Variants in AFF1 observed in about 807,000 individuals in gnomAD.
The protein encoded by AFF1 is ALF transcription elongation factor 1, also known as AF4/FMR2 family member 1.
Under a neutral mutation model 121.7 loss-of-function variants are expected in AFF1, and 48 were observed. The observed-to-expected ratio is 0.39, with a 90% CI of 0.31 to 0.50. The LOEUF is 0.50. AFF1 is among the 20% of genes least tolerant of loss of function. The pLI is 0.76. For synonymous variants in AFF1, 613 were observed against 563.0 expected (o/e 1.09, Z -1.26); for missense variants, 1,523 against 1,511.7 (o/e 1.01, Z -0.12).
intron 4 of AFF1, among the ~76,000 whole-genome samples, chr4:87,061,704 GTAA>G (rs1720805794): frequency 6.6e-6 from 1 of 152,126 alleles, no homozygotes; most frequent in Non-Finnish European, 1.5e-5. Flanking sequence ...CTTGATCCCT[GTAA>G]CTGTTAATGT....
intron 19 of AFF1, among the ~76,000 whole-genome samples, 161 bp downstream of exon 19, chr4:87,132,569 A>G (rs991839317): frequency 6.6e-6 from 1 of 152,226 alleles, no homozygotes; most frequent in South Asian, 2.1e-4. Flanking sequence ...AATTATTAGC[A>G]TATTTCTACC....
intron 2 of AFF1, among the ~76,000 whole-genome samples, chr4:86,992,135 A>C (rs1724778747): frequency 6.6e-6 from 1 of 152,146 alleles, no homozygotes; most frequent in Non-Finnish European, 1.5e-5. Context: ...ATAGCTTATC[A>C]AGAGAGGCTG....
intron 1 of AFF1, among the ~76,000 whole-genome samples, chr4:86,945,350 G>T (rs1158550430): frequency 3.5e-5 from 5 of 144,828 alleles, no homozygotes; most frequent in Non-Finnish European, 7.6e-5. Flanking sequence ...TTTGAGGCAG[G>T]GCCTTGTTTT....
intron 4 of AFF1, among the ~76,000 whole-genome samples, chr4:87,073,844 G>C (rs538673960): frequency 6.4e-4 from 97 of 152,256 alleles, no homozygotes; most frequent in African/African-American, 2.2e-3. Context: ...ACTTTCATTT[G>C]ACAGAGAGCA....
intron 2 of AFF1, among the ~76,000 whole-genome samples, chr4:86,996,006 G>C (rs1160030128): frequency 2.7e-5 from 4 of 148,886 alleles, no homozygotes; most frequent in Non-Finnish European, 4.5e-5. Context: ...CAGCCGCCCC[G>C]TCTGAGAAGT....
chr4:87,117,109 T>A (rs193248447), intron 12 of AFF1, among the ~76,000 whole-genome samples: 1 of 152,148 alleles, frequency 6.6e-6, no homozygotes, highest in Admixed American at 6.5e-5. Context: ...ACCCGGAGGA[T>A]CCCCCAGAGA....
chr4:87,124,212 GTACT>G (rs774313057), intron 12 of AFF1, among the ~76,000 whole-genome samples: 122 of 152,242 alleles, frequency 8.0e-4, no homozygotes, highest in Middle Eastern at 3.4e-3. Context: ...TGCTTTGAAG[GTACT>G]TAAATTCTTT....
In AFF1 at chr4:87,135,618, G is replaced by A. The variant is rs746645539; in HGVS notation, c.3574G>A (p.Ala1192Thr). The change falls in exon 21 of 21, where the codon GCC becomes ACC. Residue 1192 changes from alanine to threonine, a missense_variant. Transcript: ENST00000395146. Reference sequence around the variant, plus strand: ...GCTCAGCACAAATGTGTGCACCTTGGCCCTCAACAGCAGTTTGGTGGACCT... The same window carrying A: ...GCTCAGCACAAATGTGTGCACCTTGACCCTCAACAGCAGTTTGGTGGACCT... The part of the protein sequence containing the change: ...ARLSTNVCTL[A>T]LNSSLVDLVH... 3 of 1,610,932 alleles carry A rather than the reference G, an allele frequency of 1.9e-6. No individual in the cohort carries two copies. The South Asian group carries it at 3.3e-5, about 18-fold the overall frequency.
chr4:87,041,912 G>A (rs1284653693), intron 2 of AFF1, among the ~76,000 whole-genome samples: 4 of 151,878 alleles, frequency 2.6e-5, no homozygotes, highest in Non-Finnish European at 5.9e-5. Context: ...CTACTCGGGA[G>A]GCTGAGACAG....
Position 87,087,817 on chromosome 4 carries a change from T to C in AFF1, c.1105-2167T>C, listed in dbSNP as rs576800544. Among the ~76,000 whole-genome samples the C allele has an allele frequency of 7.2e-5, 11 of 152,358 alleles. No individual in the cohort carries two copies. In the South Asian group the frequency reaches 2.3e-3, roughly 32 times the overall value. On this transcript the variant is annotated intron_variant, in intron 5 of 20. Transcript: ENST00000395146. ...TACCATTGAGATTCCAAATAAATTA[T>C]TGAAAAACATAAGGGTGATGTTTTC... is the stretch of plus-strand genomic sequence containing the variant.
chr4:86,980,956 CT>C (rs67851314), intron 2 of AFF1, among the ~76,000 whole-genome samples: 29,062 of 140,494 alleles, frequency 0.21, 4,663 homozygotes, highest in East Asian at 0.24. Flanking sequence ...CACCCCCCCC[CT>C]CCACCAAAAA....
chr4:86,974,922 T>A (rs2149483906), intron 2 of AFF1, among the ~76,000 whole-genome samples: 1 of 152,326 alleles, frequency 6.6e-6, no homozygotes, highest in Admixed American at 6.5e-5. Flanking sequence ...ATGAGTGATA[T>A]TCTCCAGCTA....
chr4:87,002,692 A>C (rs1725821880), intron 2 of AFF1, among the ~76,000 whole-genome samples: 2 of 152,106 alleles, frequency 1.3e-5, no homozygotes, highest in South Asian at 4.1e-4. Context: ...TACAGGCATG[A>C]GCCACCGTGC....
intron 2 of AFF1, among the ~76,000 whole-genome samples, chr4:87,027,057 A>G (rs764499722): frequency 2.6e-5 from 4 of 152,258 alleles, no homozygotes; most frequent in Non-Finnish European, 4.4e-5. Flanking sequence ...CTGAAACTTT[A>G]CAAACAGCCT....
intron 20 of AFF1, among the ~76,000 whole-genome samples, 160 bp downstream of exon 20, chr4:87,134,854 G>A (rs182459346): frequency 6.6e-5 from 10 of 151,936 alleles, no homozygotes; most frequent in African/African-American, 1.4e-4. Flanking sequence ...ACCTAGTTGC[G>A]GTTGTTCCTT....
chr4:86,958,531 C>T (rs1007944823), intron 2 of AFF1, among the ~76,000 whole-genome samples: 11 of 151,748 alleles, frequency 7.2e-5, no homozygotes, highest in Non-Finnish European at 1.3e-4. Context: ...CCAGCCTGAC[C>T]TACATGGTGA....
At chr4:87,065,088 G>A (rs1466763329) in intron 4 of AFF1, among the ~76,000 whole-genome samples, 2 of 152,210 alleles carry the variant, frequency 1.3e-5, no homozygotes, top group Non-Finnish European at 2.9e-5. Flanking sequence ...GTCTTAATGT[G>A]GTGCATTAGT....
At chr4:87,020,274 T>C (rs1727763174) in intron 2 of AFF1, among the ~76,000 whole-genome samples, 1 of 152,238 alleles carries the variant, frequency 6.6e-6, no homozygotes, top group Non-Finnish European at 1.5e-5. Flanking sequence ...CTTTGTGGCA[T>C]AATGATTGCT....
intron 2 of AFF1, among the ~76,000 whole-genome samples, chr4:87,043,773 A>C (rs1240230995): frequency 6.6e-6 from 1 of 152,168 alleles, no homozygotes; most frequent in Non-Finnish European, 1.5e-5. Context: ...TCATCTAGGA[A>C]AAGTTTTTGA....
Sources: gnomAD v4.1 joint callset for allele counts (sites outside exome capture counted in the v4.1 genomes callset) on GRCh38, gnomAD v4.1.1 for gene constraint, MANE v1.5 for transcripts, NCBI Gene and HGNC (gene_info 2026-07-23, HGNC 2026-07-21) for gene names.